SH2B3: variants seen among roughly 807,000 people sequenced by gnomAD.
SH2B3 encodes SH2B adaptor protein 3, also known as SH2B adapter protein 3.
SH2B3 carries 43 observed loss-of-function variants against 51.9 expected under a neutral mutation model. The observed-to-expected ratio is 0.83, with a 90% confidence interval of 0.65 to 1.07. The LOEUF (loss-of-function observed/expected upper bound fraction) is 1.07, where lower values mean the gene tolerates loss of function less well. Among genes scored for constraint, SH2B3 ranks in the 50% least tolerant of loss-of-function variants. SH2B3 has a pLI of 0.00. For missense variants in SH2B3, 952 were observed against 834.3 expected, an observed-to-expected ratio of 1.14 and a Z score of -1.74; for synonymous variants, 396 against 376.0, an observed-to-expected ratio of 1.05 and a Z score of -0.62.
Position 111,438,046 on chromosome 12 carries a change from A to G in SH2B3, c.733-8707A>G, listed in dbSNP as rs1187270857. On this transcript the variant is annotated intron_variant, in intron 2 of 7. Coordinates refer to ENST00000341259, the MANE Select transcript of SH2B3 (RefSeq NM_005475.3). This position sits in a 1 kb window ranked among gnomAD's most constrained non-coding sequence, Gnocchi z 4.2. Reference sequence around the variant, plus strand: ...ATAAGCTCAGTGCTGAGGGAGAGGCACAGGAATTGCACTAATCATGACTCA... The same window carrying G: ...ATAAGCTCAGTGCTGAGGGAGAGGCGCAGGAATTGCACTAATCATGACTCA... Among the ~76,000 whole-genome samples the G allele has an allele frequency of 1.3e-5, 2 of 152,210 alleles. No homozygotes were observed. Among genetic ancestry groups the G allele is most frequent in the Admixed American group, 6.5e-5 (1 of 15,284 alleles).
chr12:111,430,766 T>G (rs1006361698), intron 2 of SH2B3, among the ~76,000 whole-genome samples: 1 of 152,184 alleles, frequency 6.6e-6, no homozygotes, highest in African/African-American at 2.4e-5. Flanking sequence ...GTGGGTTGTT[T>G]TGAGCCAACT....
chr12:111,418,539 C>T lies in SH2B3; in HGVS notation c.394C>T (p.Pro132Ser), dbSNP rs767122305. Residue 132 changes from proline to serine, a missense_variant, in exon 2 of 8, where the codon CCC becomes TCC. Physicochemically the swap from Pro to Ser is moderately conservative, Grantham distance 74. Coordinates refer to ENST00000341259, the MANE Select transcript of SH2B3 (RefSeq NM_005475.3). The surrounding 1 kb of genome is among the most constrained non-coding windows in gnomAD (Gnocchi z 6.7). ...EELAPPRPPGPCSFQHFRRSL... is the reference protein window; with the variant it reads ...EELAPPRPPGSCSFQHFRRSL... ...GCTGGCCCCGCCGCGGCCGCCCGGG[C>T]CCTGCTCCTTCCAGCACTTTCGCCG... 2 of 1,447,620 alleles carry T rather than the reference C, an allele frequency of 1.4e-6. No individual in the cohort carries two copies. The highest frequency in any genetic ancestry group is 2.6e-5 in the South Asian group (2 of 77,348). 89.7% of individuals were successfully genotyped at this position (1,447,620 alleles called of 1,614,324 possible).
intron 2 of SH2B3, among the ~76,000 whole-genome samples, chr12:111,444,549 C>T (rs916092807): frequency 6.6e-6 from 1 of 152,226 alleles, no homozygotes; most frequent in African/African-American, 2.4e-5. Context: ...AGAGCCTAAG[C>T]AGGTCCAGGG....
At chr12:111,424,466 G>T (rs570539946) in intron 2 of SH2B3, among the ~76,000 whole-genome samples, 21 of 152,214 alleles carry the variant, frequency 1.4e-4, no homozygotes, top group African/African-American at 5.1e-4. Flanking sequence ...TCAGGGGAAG[G>T]CATCCCCAAG....
Position 111,447,360 on chromosome 12 carries a change from C to A in SH2B3, c.1052C>A (p.Ala351Asp), listed in dbSNP as rs773228990. The change falls in exon 6 of 8, where the codon GCC (alanine) becomes GAC (aspartate). Residue 351 changes from alanine (A) to aspartate (D), a missense_variant. Ala to Asp is a moderately radical substitution (Grantham distance 126, BLOSUM62 -2). Transcript: ENST00000341259. ...GASPGGLLDP[A>D]CQKTDHFLSC... ...TCTCCTGGGGGGCTGCTGGACCCGG[C>A]CTGCCAGAAGACGGACCATTTCCTG... 3 of 1,614,038 alleles carry A rather than the reference C, an allele frequency of 1.9e-6. No individual in the cohort carries two copies. Among genetic ancestry groups the A allele is most frequent in the Middle Eastern group, 1.6e-4 (1 of 6,062 alleles).
chr12:111,442,400 T>G (rs978290337), intron 2 of SH2B3, among the ~76,000 whole-genome samples: 1 of 152,284 alleles, frequency 6.6e-6, no homozygotes, highest in Middle Eastern at 3.4e-3. Context: ...GATGCCTCCT[T>G]GAGGGCATAG....
Position 111,448,602 on chromosome 12 carries a change from T to C in SH2B3, c.*300T>C, listed in dbSNP as rs1420443404. ...CCCCGTTACTCTTAGAGAAAGGAGT[T>C]GGGGTGAGGGCCAGAGCTGGCAGTG... On this transcript the variant is annotated 3_prime_UTR_variant, in exon 8 of 8. Transcript: ENST00000341259. 5.9e-6 allele frequency: 2 copies of C among 337,588 alleles called. No individual in the cohort carries two copies. The highest frequency in any genetic ancestry group is 4.2e-5 in the African/African-American group (2 of 47,778). 20.9% of individuals were successfully genotyped at this position (337,588 alleles called of 1,614,324 possible).
intron 2 of SH2B3, among the ~76,000 whole-genome samples, chr12:111,422,989 G>A (rs946495190): frequency 2.6e-5 from 4 of 152,168 alleles, no homozygotes; most frequent in Non-Finnish European, 4.4e-5. Context: ...GAGCCACCAC[G>A]CCTGGCCAGG....
At position 111,418,984 on chromosome 12, in the gene SH2B3, C is replaced by G; in HGVS notation, c.732+107C>G. Reference sequence around the variant, plus strand: ...GTGATGGCTTTCCAGCTGGTGGCCACAGAGTGTCCAGAGGGAACTAGGCCC... The same window carrying G: ...GTGATGGCTTTCCAGCTGGTGGCCAGAGAGTGTCCAGAGGGAACTAGGCCC... On this transcript the variant is annotated intron_variant, in intron 2 of 7. Coordinates refer to ENST00000341259, the MANE Select transcript of SH2B3 (RefSeq NM_005475.3). The surrounding 1 kb of genome is among the most constrained non-coding windows in gnomAD (Gnocchi z 6.7). The G allele has an allele frequency of 9.2e-7, 1 of 1,081,508 alleles. No individual in the cohort carries two copies. The highest frequency in any genetic ancestry group is 1.2e-6 in the Non-Finnish European group (1 of 819,210). The allele number at this position is 1,081,508 out of a possible 1,614,324, so 67.0% of individuals were successfully genotyped here.
chr12:111,417,927 A>G (rs1871202564), intron 1 of SH2B3, among the ~76,000 whole-genome samples, 192 bp from the exon 2 acceptor site: 1 of 152,216 alleles, frequency 6.6e-6, no homozygotes, highest in Admixed American at 6.5e-5. Flanking sequence ...TCTAGAATCA[A>G]TTCTGCCAAA....
At chr12:111,439,951 CT>C (rs1303281431) in intron 2 of SH2B3, among the ~76,000 whole-genome samples, 1 of 152,220 alleles carries the variant, frequency 6.6e-6, no homozygotes, top group Non-Finnish European at 1.5e-5. Context: ...GCATCCACCA[CT>C]TTCTGCCTTT....
rs1046139940 is a variant in SH2B3, at chr12:111,448,422, T to C, written c.*120T>C. On this transcript the variant is annotated 3_prime_UTR_variant, in exon 8 of 8. Transcript: ENST00000341259. Reference sequence around the variant, plus strand: ...GAAAGATTTAAGGGACACTGTTAACTGCTCGTGCCAGTTTGGAAGTGACCC... The same window carrying C: ...GAAAGATTTAAGGGACACTGTTAACCGCTCGTGCCAGTTTGGAAGTGACCC... 8 of 799,856 alleles carry C rather than the reference T, an allele frequency of 1.0e-5. No homozygotes were observed. Among genetic ancestry groups the C allele is most frequent in the Admixed American group, 2.8e-5 (1 of 36,320 alleles). The allele number at this position is 799,856 out of a possible 1,614,324, so 49.5% of individuals were successfully genotyped here.
chr12:111,405,427 C>T (rs556670732), upstream of SH2B3, among the ~76,000 whole-genome samples: 294 of 152,328 alleles, frequency 1.9e-3, 6 homozygotes, highest in East Asian at 3.7e-3. This position sits in a 1 kb window ranked among gnomAD's most constrained non-coding sequence, Gnocchi z 5.4. Flanking sequence ...CGCTATTGCA[C>T]CGCCCAGCCC....
chr12:111,449,649 T>G lies in SH2B3; in HGVS notation c.*1347T>G, dbSNP rs941903685. On this transcript the variant is annotated 3_prime_UTR_variant, in exon 8 of 8. Transcript: ENST00000341259. ...AGAAACGGGGGCAGTGACAGTGGAGTCAGCTGCTCTTGGGTGCCAGCAGAG... is the reference window on the plus strand; with the variant it reads ...AGAAACGGGGGCAGTGACAGTGGAGGCAGCTGCTCTTGGGTGCCAGCAGAG... The G allele has an allele frequency of 6.6e-6, 1 of 152,024 alleles. No homozygotes were observed. The highest frequency in any genetic ancestry group is 6.6e-5 in the Admixed American group (1 of 15,234). The allele number at this position is 152,024 out of a possible 1,614,324, so 9.4% of individuals were successfully genotyped here. A position where few individuals can be genotyped will look rare whatever the true frequency, so the allele number is the denominator to read the frequency against.
intron 2 of SH2B3, among the ~76,000 whole-genome samples, chr12:111,419,883 G>A (rs532959381): frequency 4.6e-5 from 7 of 152,246 alleles, no homozygotes; most frequent in East Asian, 1.9e-4. Context: ...AGGTTTAGTC[G>A]TTACGTCTCC....
intron 2 of SH2B3, among the ~76,000 whole-genome samples, chr12:111,427,062 C>G (rs1676239521): frequency 6.6e-6 from 1 of 152,140 alleles, no homozygotes; most frequent in African/African-American, 2.4e-5. Context: ...AGAGATTTCA[C>G]AGAATCCAGA....
chr12:111,449,489 AATCT>A lies in SH2B3; in HGVS notation c.*1196_*1199del, dbSNP rs1175456990. On this transcript the variant is annotated 3_prime_UTR_variant, in exon 8 of 8. Transcript: ENST00000341259. ...CTGGCTACTGCTTCACTGGATTGAGAATCTATCTATCTCCTTGCACACATGGGCA... is the reference window on the plus strand; with the variant it reads ...CTGGCTACTGCTTCACTGGATTGAGAATCTATCTCCTTGCACACATGGGCA... The A allele has an allele frequency of 5.3e-5, 8 of 152,320 alleles. No homozygotes were observed. Among genetic ancestry groups the A allele is most frequent in the Admixed American group, 1.3e-4 (2 of 15,298 alleles). 9.4% of individuals were successfully genotyped at this position (152,320 alleles called of 1,614,324 possible).
rs1472652649 is a variant in SH2B3, at chr12:111,420,941, C to T, written c.732+2064C>T. Among the ~76,000 whole-genome samples, 5 of 152,116 alleles carry T rather than the reference C, an allele frequency of 3.3e-5. No individual in the cohort carries two copies. In the South Asian group the frequency reaches 6.2e-4, roughly 19 times the overall value. Reference sequence around the variant, plus strand: ...GGCGTAACATGCAGACCTGGAAGTGCGTGAAGTATGAGACACATCTGAAGC... The same window carrying T: ...GGCGTAACATGCAGACCTGGAAGTGTGTGAAGTATGAGACACATCTGAAGC... On this transcript the variant is annotated intron_variant, in intron 2 of 7. Coordinates refer to ENST00000341259, the MANE Select transcript of SH2B3 (RefSeq NM_005475.3).
intron 2 of SH2B3, among the ~76,000 whole-genome samples, chr12:111,440,012 C>A (rs1211064915): frequency 6.6e-6 from 1 of 152,228 alleles, no homozygotes; most frequent in Non-Finnish European, 1.5e-5. Flanking sequence ...GGCTCCCTGG[C>A]ATCTGGGGGG....
Sources: allele counts gnomAD v4.1 joint callset (sites outside exome capture counted in the v4.1 genomes callset), GRCh38; gene constraint gnomAD v4.1.1; non-coding constraint Gnocchi (gnomAD v3.1); transcripts MANE v1.5; gene names NCBI Gene and HGNC (gene_info 2026-07-23, HGNC 2026-07-21).